Variants in RFX4 observed in about 807,000 individuals in gnomAD.
RFX4 encodes the protein transcription factor RFX4.
RFX4 carries 10 observed loss-of-function variants against 95.0 expected under a neutral mutation model. The observed-to-expected ratio is 0.11, with a 90% CI of 0.06 to 0.18. The LOEUF (loss-of-function observed/expected upper bound fraction) is 0.18. Ranked by LOEUF, RFX4 falls within the 10% of genes least tolerant of loss-of-function variation. The probability of loss-of-function intolerance (pLI) is 1.00; values close to 1 mark genes in which losing one functional copy is unlikely to be tolerated. For synonymous variants in RFX4, 321 were observed against 340.7 expected (o/e 0.94, Z 0.64); for missense variants, 640 against 922.0 (o/e 0.69, Z 3.96).
intron 16 of RFX4, among the ~76,000 whole-genome samples, 176 bp from the exon 17 acceptor site, chr12:106,750,476 CAAA>C (rs374736367): frequency 4.0e-5 from 2 of 49,388 alleles, no homozygotes; most frequent in African/African-American, 6.9e-5. Flanking sequence ...GACCCTGACT[CAAA>C]AAAAAAAAAA....
At chr12:106,757,239 A>G (rs1566009989) in intron 17 of RFX4, among the ~76,000 whole-genome samples, 2 of 152,168 alleles carry the variant, frequency 1.3e-5, no homozygotes, top group South Asian at 4.1e-4. Flanking sequence ...TCCTGACTCT[A>G]AAGGCTCAGC....
At chr12:106,716,637 C>A (rs1362925752) in intron 11 of RFX4, among the ~76,000 whole-genome samples, 1 of 152,160 alleles carries the variant, frequency 6.6e-6, no homozygotes, top group East Asian at 1.9e-4. Flanking sequence ...GCCCAAACCT[C>A]ACTCAGGCTG....
chr12:106,757,111 C>T (rs1167152504), intron 17 of RFX4, among the ~76,000 whole-genome samples: 2 of 152,158 alleles, frequency 1.3e-5, no homozygotes, highest in African/African-American at 4.8e-5. Flanking sequence ...TAAGGCTCTT[C>T]CTATCATTAA....
chr12:106,722,027 C>G (rs1372209191), intron 13 of RFX4, among the ~76,000 whole-genome samples: 1 of 152,208 alleles, frequency 6.6e-6, no homozygotes. Flanking sequence ...CTGAACCTGC[C>G]TGCACCATGG....
At chr12:106,691,839 T>A (rs1305478423) in intron 7 of RFX4, among the ~76,000 whole-genome samples, 1 of 152,128 alleles carries the variant, frequency 6.6e-6, no homozygotes, top group Non-Finnish European at 1.5e-5. Flanking sequence ...TGCCATTGAC[T>A]TATAACATTG....
intron 1 of RFX4, among the ~76,000 whole-genome samples, chr12:106,606,776 G>C (rs2039841570): frequency 6.6e-6 from 1 of 152,142 alleles, no homozygotes; most frequent in African/African-American, 2.4e-5. Context: ...TAAAAGAGCA[G>C]TTTGTTGGGA....
chr12:106,660,708 A>T (rs2041053829), intron 4 of RFX4, among the ~76,000 whole-genome samples: 1 of 152,062 alleles, frequency 6.6e-6, no homozygotes, highest in Non-Finnish European at 1.5e-5. Flanking sequence ...GTCTGTTAGG[A>T]ACTGGGCCAC....
At chr12:106,596,266 T>TTTAAAATCA (rs2039617582) in intron 1 of RFX4, among the ~76,000 whole-genome samples, 1 of 152,220 alleles carries the variant, frequency 6.6e-6, no homozygotes. Flanking sequence ...TGAAATCTGA[T>TTTAAAATCA]GGTTTTAAAA....
chr12:106,729,251 TCAACATCCCAG>T (rs1397888449), intron 13 of RFX4, among the ~76,000 whole-genome samples: 1 of 152,222 alleles, frequency 6.6e-6, no homozygotes, highest in Admixed American at 6.5e-5. Context: ...TGACTTTAGA[TCAACATCCCAG>T]CAAGTAATTT....
At chr12:106,715,675 T>C (rs2042274230) in intron 11 of RFX4, 131 bp downstream of exon 11, 3 of 1,076,952 alleles carry the variant, frequency 2.8e-6, no homozygotes, top group South Asian at 3.2e-5. Flanking sequence ...TGTTCCTTAT[T>C]GTTCCTTTTA....
Position 106,641,951 on chromosome 12 carries a change from C to CTATCTA in RFX4, c.191+2573_191+2578dup, listed in dbSNP as rs1200972708. Among the ~76,000 whole-genome samples, 1,432 of 144,568 alleles carry CTATCTA rather than the reference C, an allele frequency of 9.9e-3. 27 individuals are homozygous for CTATCTA. The highest frequency in any genetic ancestry group is 0.031 in the African/African-American group (1,172 of 37,464). 94.8% of individuals were successfully genotyped at this position (144,568 alleles called of 152,430 possible). A position where few individuals can be genotyped will look rare whatever the true frequency, so the allele number is the denominator to read the frequency against. On this transcript the variant is annotated intron_variant, in intron 3 of 17. Transcript: ENST00000392842. ...GAAATATCTATATCTATGTCTATAT[C>CTATCTA]TATCTATATCTATATCTATCTATAT...
chr12:106,761,407 A>G lies in RFX4; in HGVS notation c.2146A>G (p.Met716Val), dbSNP rs1350840686. The G allele has an allele frequency of 6.2e-7, 1 of 1,614,054 alleles. No homozygotes were observed. Among genetic ancestry groups the G allele is most frequent in the Non-Finnish European group, 8.5e-7 (1 of 1,180,034 alleles). The part of the protein sequence containing the change: ...TTRRNSEYEH[M>V]QHFPGFAYIN... ...GCGCAGGAATTCTGAATATGAGCAC[A>G]TGCAACACTTTCCTGGCTTTGCTTA... The change falls in exon 18 of 18, where the codon ATG (methionine) becomes GTG (valine). Residue 716 changes from methionine to valine, a missense_variant. Physicochemically the swap from Met to Val is conservative, Grantham distance 21 (BLOSUM62 1). This residue lies in a region of RFX4 where 300 missense variants were observed against 346.8 expected (regional missense o/e 0.87). Transcript: ENST00000392842.
intron 3 of RFX4, among the ~76,000 whole-genome samples, chr12:106,649,111 A>T (rs1351708356): frequency 1.3e-5 from 2 of 152,156 alleles, no homozygotes; most frequent in Admixed American, 1.3e-4. Flanking sequence ...ATTAAAAAAA[A>T]CCCAGGTATA....
intron 13 of RFX4, among the ~76,000 whole-genome samples, chr12:106,724,943 G>A (rs1301786433): frequency 2.6e-5 from 4 of 151,446 alleles, no homozygotes; most frequent in African/African-American, 7.3e-5. Context: ...ACCCACGGGG[G>A]CAGAGGTTGC....
At chr12:106,647,745 TA>T (rs1394334496) in intron 3 of RFX4, among the ~76,000 whole-genome samples, 1 of 152,226 alleles carries the variant, frequency 6.6e-6, no homozygotes, top group Non-Finnish European at 1.5e-5. Flanking sequence ...AAAATAATGC[TA>T]ATTGTTACTC....
At chr12:106,590,772 C>G (rs1456623415) in intron 1 of RFX4, among the ~76,000 whole-genome samples, 1 of 152,096 alleles carries the variant, frequency 6.6e-6, no homozygotes, top group Non-Finnish European at 1.5e-5. Context: ...TAGTGACACT[C>G]TTATCTCTAC....
At chr12:106,744,594 T>C (rs2042859522) in intron 15 of RFX4, among the ~76,000 whole-genome samples, 1 of 152,178 alleles carries the variant, frequency 6.6e-6, no homozygotes, top group South Asian at 2.1e-4. Context: ...TCCTGCAAGA[T>C]AGATATTATT....
chr12:106,600,009 C>A (rs1251510894), intron 1 of RFX4, among the ~76,000 whole-genome samples: 1 of 152,196 alleles, frequency 6.6e-6, no homozygotes, highest in Non-Finnish European at 1.5e-5. Flanking sequence ...ATGCCCCACT[C>A]TACTCAAAAA....
chr12:106,751,308 T>G (rs1028519696), intron 17 of RFX4, among the ~76,000 whole-genome samples: 1 of 144,050 alleles, frequency 6.9e-6, no homozygotes, highest in African/African-American at 2.6e-5. Flanking sequence ...GGTGTATATG[T>G]GCCACATTTT....
Sources: gnomAD v4.1 joint callset for allele counts (sites outside exome capture counted in the v4.1 genomes callset) on GRCh38, gnomAD v4.1.1 for gene constraint, gnomAD v4.1.1 regional missense constraint, MANE v1.5 for transcripts, NCBI Gene and HGNC (gene_info 2026-07-23, HGNC 2026-07-21) for gene names.